ANKFN1: variants seen among roughly 807,000 people sequenced by gnomAD.
The protein encoded by ANKFN1 is ankyrin repeat and fibronectin type-III domain-containing protein 1.
A neutral mutation model predicts 108.7 loss-of-function variants in ANKFN1; 74 were observed. That is an observed-to-expected ratio of 0.68 (90% CI 0.56 to 0.83). The LOEUF is 0.83. ANKFN1 is among the 40% of genes least tolerant of loss of function. The probability of loss-of-function intolerance (pLI) is 0.00; values close to 1 mark genes in which losing one functional copy is unlikely to be tolerated. For missense variants in ANKFN1, 1,505 were observed against 1,382.3 expected (o/e 1.09, Z -1.41); for synonymous variants, 547 against 516.2 (o/e 1.06, Z -0.81).
At chr17:56,094,065 C>G (rs934803936) in intron 4 of ANKFN1, among the ~76,000 whole-genome samples, 1 of 151,120 alleles carries the variant, frequency 6.6e-6, no homozygotes, top group African/African-American at 2.4e-5. Flanking sequence ...ACCGTATGAC[C>G]ATAAAGGCAG....
At chr17:56,374,231 C>T (rs1019206376) in intron 7 of ANKFN1, among the ~76,000 whole-genome samples, 61 of 152,130 alleles carry the variant, frequency 4.0e-4, no homozygotes, top group Non-Finnish European at 7.2e-4. Context: ...TGCAAAAAGC[C>T]TCCAGTGAAA....
chr17:56,064,406 G>A (rs751461002), intron 4 of ANKFN1, among the ~76,000 whole-genome samples: 2 of 152,218 alleles, frequency 1.3e-5, no homozygotes, highest in South Asian at 2.1e-4. Flanking sequence ...GGACATCTGG[G>A]TTCTGTCCCT....
At chr17:56,340,704 AC>A (rs1440185582) in intron 4 of ANKFN1, among the ~76,000 whole-genome samples, 1 of 151,796 alleles carries the variant, frequency 6.6e-6, no homozygotes, top group Non-Finnish European at 1.5e-5. Flanking sequence ...TGTTTACTGT[AC>A]CCCTGTGTTA....
chr17:56,116,742 T>C (rs555864325), intron 4 of ANKFN1, among the ~76,000 whole-genome samples: 1 of 152,210 alleles, frequency 6.6e-6, no homozygotes, highest in African/African-American at 2.4e-5. Flanking sequence ...AATTACCCAG[T>C]CTCAGGTATT....
chr17:56,077,838 G>C (rs1001544), intron 4 of ANKFN1, among the ~76,000 whole-genome samples: 84,484 of 151,892 alleles, frequency 0.56, 24,955 homozygotes, highest in Non-Finnish European at 0.68. Flanking sequence ...ACCAAGGAGA[G>C]ACAGGTTGTC....
chr17:56,299,052 A>G (rs1459426979), intron 3 of ANKFN1, among the ~76,000 whole-genome samples: 1 of 152,236 alleles, frequency 6.6e-6, no homozygotes, highest in East Asian at 1.9e-4. Flanking sequence ...GTACACCTTT[A>G]ATCACTTTAG....
At chr17:56,388,649 T>G (rs2047343019) in intron 8 of ANKFN1, among the ~76,000 whole-genome samples, 1 of 152,198 alleles carries the variant, frequency 6.6e-6, no homozygotes, top group Non-Finnish European at 1.5e-5. Flanking sequence ...TGTATTTTCT[T>G]CATATCTCTA....
At chr17:56,161,475 T>C in intron 1 of ANKFN1, among the ~76,000 whole-genome samples, 1 of 152,208 alleles carries the variant, frequency 6.6e-6, no homozygotes, top group East Asian at 1.9e-4. Flanking sequence ...TTAAAAATTC[T>C]AGGTTTAAAT....
intron 8 of ANKFN1, among the ~76,000 whole-genome samples, chr17:56,382,534 C>T (rs533243623): frequency 3.3e-5 from 5 of 152,236 alleles, no homozygotes; most frequent in African/African-American, 1.2e-4. Context: ...CACAGACTGG[C>T]AAATGGATAA....
intron 1 of ANKFN1, among the ~76,000 whole-genome samples, chr17:56,175,671 C>G (rs1259947218): frequency 6.6e-6 from 1 of 152,190 alleles, no homozygotes; most frequent in Non-Finnish European, 1.5e-5. Flanking sequence ...TCCCCACTCC[C>G]TCCTTGGACT....
At chr17:56,240,489 A>G (rs1226862399) in intron 3 of ANKFN1, among the ~76,000 whole-genome samples, 1 of 152,156 alleles carries the variant, frequency 6.6e-6, no homozygotes, top group Non-Finnish European at 1.5e-5. Context: ...ATAAAAAAAT[A>G]CTGCAATGAT....
chr17:56,132,950 A>T (rs1006351744), intron 4 of ANKFN1, among the ~76,000 whole-genome samples: 1 of 152,236 alleles, frequency 6.6e-6, no homozygotes, highest in African/African-American at 2.4e-5. Context: ...CATTCAGACC[A>T]TAGCAAGTCA....
chr17:56,457,056 C>A, intron 12 of ANKFN1, 96 bp downstream of exon 12: 1 of 1,276,824 alleles, frequency 7.8e-7, no homozygotes, highest in Non-Finnish European at 1.1e-6. Flanking sequence ...TTTTTGTGTT[C>A]AAAACAATAA....
At chr17:56,296,884 A>G (rs1480706868) in intron 3 of ANKFN1, among the ~76,000 whole-genome samples, 1 of 152,184 alleles carries the variant, frequency 6.6e-6, no homozygotes, top group Non-Finnish European at 1.5e-5. Context: ...ATTAAATTAG[A>G]TAATACCCAC....
chr17:56,501,703 G>A (rs2051375877), intron 20 of ANKFN1, among the ~76,000 whole-genome samples: 1 of 152,144 alleles, frequency 6.6e-6, no homozygotes, highest in South Asian at 2.1e-4. Flanking sequence ...TCCCTGGAAA[G>A]AGGAGGTAGA....
At chr17:56,443,010 A>T in intron 10 of ANKFN1, 77 bp downstream of exon 10, 1 of 1,450,898 alleles carries the variant, frequency 6.9e-7, no homozygotes, top group Non-Finnish European at 9.6e-7. Flanking sequence ...TGCCATTGCC[A>T]TTCCCTTCCC....
At position 56,147,953 on chromosome 17, in the gene ANKFN1, C is replaced by A. The variant is rs192089516; in HGVS notation, c.289-79964C>A. ...TCCTTCTTCTCTGCCAGATCCTGTT[C>A]TAAGCATTATTTCATTGAATCTTCA... is the stretch of plus-strand genomic sequence containing the variant. On this transcript the variant is annotated intron_variant, in intron 4 of 12. Coordinates refer to the ANKFN1 transcript ENST00000635860. Among the ~76,000 whole-genome samples the A allele has an allele frequency of 6.6e-5, 10 of 152,274 alleles. No homozygotes were observed. The South Asian group carries it at 2.1e-3, about 32-fold the overall frequency.
At chr17:56,064,457 C>T (rs76440316) in intron 4 of ANKFN1, among the ~76,000 whole-genome samples, 10,516 of 152,224 alleles carry the variant, frequency 0.069, 481 homozygotes, top group East Asian at 0.16. Flanking sequence ...GCAGGGAAGC[C>T]CTGCCCAGTG....
At chr17:56,149,486 G>C (rs1397712887), upstream of ANKFN1, among the ~76,000 whole-genome samples, 1 of 152,184 alleles carries the variant, frequency 6.6e-6, no homozygotes, top group Non-Finnish European at 1.5e-5. Flanking sequence ...TGTGAGAAAG[G>C]ATATGAAAAG....
Sources: allele counts gnomAD v4.1 joint callset (sites outside exome capture counted in the v4.1 genomes callset), GRCh38; gene constraint gnomAD v4.1.1; transcripts MANE v1.5; gene names NCBI Gene and HGNC (gene_info 2026-07-23, HGNC 2026-07-21).